Variants in STK32A observed in about 807,000 individuals in gnomAD.
STK32A encodes the protein serine/threonine kinase 32A.
In STK32A, 41 loss-of-function variants were observed where a neutral mutation model predicts 53.2. That is an observed-to-expected ratio of 0.77 (90% CI 0.60 to 1.00). STK32A has a LOEUF of 1.00. Among genes scored for constraint, STK32A ranks in the 50% least tolerant of loss-of-function variants. The pLI, the probability that STK32A is intolerant of heterozygous loss-of-function variation, is 0.00. For missense variants in STK32A, 458 were observed against 485.8 expected (o/e 0.94, Z 0.54); for synonymous variants, 166 against 162.8 (o/e 1.02, Z -0.15).
chr5:147,272,600 C>T (rs747944029), intron 2 of STK32A, among the ~76,000 whole-genome samples: 1 of 150,214 alleles, frequency 6.7e-6, no homozygotes, highest in Non-Finnish European at 1.5e-5. Context: ...TACATATATG[C>T]AGAGAGAATC....
intron 4 of STK32A, among the ~76,000 whole-genome samples, chr5:147,284,716 A>C (rs1027348781): frequency 2.6e-5 from 4 of 151,916 alleles, no homozygotes; most frequent in Admixed American, 6.6e-5. Flanking sequence ...ACAAAAAAAA[A>C]ACAAATACTT....
chr5:147,393,293 G>GA, the STK32A span: 2 of 152,324 alleles, frequency 1.3e-5, no homozygotes, highest in African/African-American at 4.8e-5. Context: ...CCCAACCCAG[G>GA]AAAGAGAAGG....
At chr5:147,284,748 G>A (rs1019379828) in intron 4 of STK32A, among the ~76,000 whole-genome samples, 1 of 150,346 alleles carries the variant, frequency 6.7e-6, no homozygotes, top group Non-Finnish European at 1.5e-5. Context: ...TAACCAAGGA[G>A]TAGAAAGACC....
At chr5:147,280,550 G>A (rs905036656) in intron 4 of STK32A, among the ~76,000 whole-genome samples, 1 of 151,902 alleles carries the variant, frequency 6.6e-6, no homozygotes, top group East Asian at 1.9e-4. Flanking sequence ...GCATGTTTCT[G>A]CAGAGACAGC....
chr5:147,249,360 T>A (rs915996382), intron 2 of STK32A, among the ~76,000 whole-genome samples: 1 of 152,174 alleles, frequency 6.6e-6, no homozygotes, highest in South Asian at 2.1e-4. Flanking sequence ...AGCTGGTGAC[T>A]GGCACACAGT....
At chr5:147,358,487 A>G (rs994086776) in intron 7 of STK32A, among the ~76,000 whole-genome samples, 4 of 152,224 alleles carry the variant, frequency 2.6e-5, no homozygotes, top group Admixed American at 6.5e-5. Flanking sequence ...AGGAACGTTC[A>G]TGACAGCATT....
intron 4 of STK32A, among the ~76,000 whole-genome samples, chr5:147,309,983 C>T (rs1753610012): frequency 6.6e-6 from 1 of 152,104 alleles, no homozygotes; most frequent in Non-Finnish European, 1.5e-5. Flanking sequence ...GCTACAACTG[C>T]AAAATCAACT....
chr5:147,250,444 G>A (rs1205660116), intron 2 of STK32A, among the ~76,000 whole-genome samples: 1 of 152,150 alleles, frequency 6.6e-6, no homozygotes. Flanking sequence ...TATGGAAAGT[G>A]GAAGGAAAGA....
intron 6 of STK32A, 99 bp downstream of exon 6, chr5:147,343,142 T>C (rs2151988852): frequency 1.5e-6 from 2 of 1,319,066 alleles, no homozygotes; most frequent in East Asian, 4.6e-5. Flanking sequence ...AGGTATTTTG[T>C]TCTATTCATT....
intron 6 of STK32A, among the ~76,000 whole-genome samples, chr5:147,349,664 C>T (rs1293425967): frequency 6.6e-6 from 1 of 152,060 alleles, no homozygotes; most frequent in Non-Finnish European, 1.5e-5. Flanking sequence ...CCCTAGAGAT[C>T]ATTTAGTCTA....
intron 4 of STK32A, among the ~76,000 whole-genome samples, chr5:147,279,988 A>C (rs757928961): frequency 6.6e-6 from 1 of 151,856 alleles, no homozygotes; most frequent in Non-Finnish European, 1.5e-5. Flanking sequence ...CCAAACACAC[A>C]CCCCCACTGG....
At chr5:147,373,684 T>C (rs1210703773) in intron 10 of STK32A, among the ~76,000 whole-genome samples, 1 of 152,160 alleles carries the variant, frequency 6.6e-6, no homozygotes, top group Non-Finnish European at 1.5e-5. Flanking sequence ...GTCAAAGAAT[T>C]GAAAATTGTT....
chr5:147,309,928 TG>T (rs1753607766), intron 4 of STK32A, among the ~76,000 whole-genome samples: 1 of 152,208 alleles, frequency 6.6e-6, no homozygotes, highest in Non-Finnish European at 1.5e-5. Flanking sequence ...TTATTATATA[TG>T]TATCATTACT....
intron 4 of STK32A, among the ~76,000 whole-genome samples, chr5:147,294,953 G>A (rs1752799063): frequency 6.6e-6 from 1 of 152,166 alleles, no homozygotes; most frequent in African/African-American, 2.4e-5. Flanking sequence ...AAAGTGCTGG[G>A]ATAACAGGCA....
intron 2 of STK32A, among the ~76,000 whole-genome samples, chr5:147,265,431 T>A (rs1305467367): frequency 2.0e-5 from 3 of 152,192 alleles, no homozygotes; most frequent in Non-Finnish European, 2.9e-5. Flanking sequence ...TTTGTTTACT[T>A]ATTTGTCTAT....
At chr5:147,250,891 G>T (rs1043808098) in intron 2 of STK32A, among the ~76,000 whole-genome samples, 5 of 147,538 alleles carry the variant, frequency 3.4e-5, no homozygotes, top group Non-Finnish European at 7.4e-5. Context: ...GCAGTGAGCC[G>T]AGATGGTGTC....
chr5:147,246,498 C>A (rs1203782479), intron 2 of STK32A, among the ~76,000 whole-genome samples: 1 of 152,166 alleles, frequency 6.6e-6, no homozygotes, highest in Non-Finnish European at 1.5e-5. Flanking sequence ...ATATTGAAAT[C>A]TCAGTCTTCT....
chr5:147,259,777 CCTCT>C (rs1441236773), intron 2 of STK32A, among the ~76,000 whole-genome samples: 3 of 151,520 alleles, frequency 2.0e-5, no homozygotes, highest in Non-Finnish European at 2.9e-5. Context: ...CTGCCTCTCT[CCTCT>C]CTGTCTCTCT....
chr5:147,261,271 G>A (rs1754558653), intron 2 of STK32A, among the ~76,000 whole-genome samples: 1 of 152,182 alleles, frequency 6.6e-6, no homozygotes, highest in South Asian at 2.1e-4. Context: ...TCTCTGCCCA[G>A]CAAGGTACTT....
Sources: allele counts gnomAD v4.1 joint callset (sites outside exome capture counted in the v4.1 genomes callset), GRCh38; gene constraint gnomAD v4.1.1; transcripts MANE v1.5; gene names NCBI Gene and HGNC (gene_info 2026-07-23, HGNC 2026-07-21).